Variants in REV1 observed in about 807,000 individuals in gnomAD.
The protein encoded by REV1 is translesion synthesis protein REV1.
REV1 carries 42 observed loss-of-function variants against 137.4 expected under a neutral mutation model. The observed-to-expected ratio is 0.31, with a 90% CI of 0.24 to 0.40. The LOEUF (loss-of-function observed/expected upper bound fraction) is 0.40. Among genes scored for constraint, REV1 ranks in the 10% least tolerant of loss-of-function variants. REV1 has a pLI of 1.00. For synonymous variants in REV1, 524 were observed against 519.2 expected (o/e 1.01, Z -0.12); for missense variants, 1,282 against 1,490.1 (o/e 0.86, Z 2.30).
chr2:99,482,022 C>T (rs950612981), intron 1 of REV1, among the ~76,000 whole-genome samples: 1 of 152,126 alleles, frequency 6.6e-6, no homozygotes, highest in Non-Finnish European at 1.5e-5. Context: ...CCCAGTAGGC[C>T]CCTAGTTTCA....
chr2:99,401,211 A>G lies in REV1; in HGVS notation c.*30T>C. ...CCTCACAAGCACTTATGGCACAGCT[A>G]TCAGAGAGCATCAGGCTCTCTGGTA... is the stretch of plus-strand genomic sequence containing the variant. On this transcript the variant is annotated 3_prime_UTR_variant, in exon 23 of 23. Transcript: ENST00000258428. The G allele has an allele frequency of 7.4e-7, 1 of 1,356,518 alleles. No individual in the cohort carries two copies. The highest frequency in any genetic ancestry group is 1.1e-6 in the Non-Finnish European group (1 of 945,660). The allele number at this position is 1,356,518 out of a possible 1,614,324, so 84.0% of individuals were successfully genotyped here. A position where few individuals can be genotyped will look rare whatever the true frequency, so the allele number is the denominator to read the frequency against.
At chr2:99,473,276 G>A (rs1242155682) in intron 1 of REV1, among the ~76,000 whole-genome samples, 1 of 151,196 alleles carries the variant, frequency 6.6e-6, no homozygotes, top group East Asian at 1.9e-4. Context: ...GCTGAGGCAG[G>A]AGAGTCACTT....
intron 3 of REV1, among the ~76,000 whole-genome samples, chr2:99,454,309 G>T (rs546707869): frequency 6.6e-6 from 1 of 152,032 alleles, no homozygotes; most frequent in Non-Finnish European, 1.5e-5. Flanking sequence ...CAGCACTTTG[G>T]TAGGCCACAG....
chr2:99,453,931 A>G (rs1683228056), intron 3 of REV1, among the ~76,000 whole-genome samples: 1 of 145,156 alleles, frequency 6.9e-6, no homozygotes, highest in Non-Finnish European at 1.5e-5. Context: ...AATAAAACAA[A>G]ACTAGATTCA....
At chr2:99,481,963 T>G (rs1166791520) in intron 1 of REV1, among the ~76,000 whole-genome samples, 1 of 152,190 alleles carries the variant, frequency 6.6e-6, no homozygotes, top group East Asian at 1.9e-4. Flanking sequence ...CATGAATCCA[T>G]AATGGGTCCT....
At chr2:99,452,680 C>G (rs1041051081) in intron 3 of REV1, among the ~76,000 whole-genome samples, 1 of 152,186 alleles carries the variant, frequency 6.6e-6, no homozygotes, top group Non-Finnish European at 1.5e-5. Context: ...TTTCATATCC[C>G]TGACATAAAG....
chr2:99,477,404 C>T (rs1269234240), intron 1 of REV1, among the ~76,000 whole-genome samples: 1 of 152,190 alleles, frequency 6.6e-6, no homozygotes, highest in African/African-American at 2.4e-5. Flanking sequence ...GGGCTAAGCA[C>T]ACAGAGAACT....
chr2:99,407,480 A>T (rs1313135376), intron 15 of REV1, among the ~76,000 whole-genome samples: 1 of 151,308 alleles, frequency 6.6e-6, no homozygotes, highest in Non-Finnish European at 1.5e-5. Flanking sequence ...TGAACCCAGG[A>T]GGCGGAAGTT....
intron 14 of REV1, 117 bp from the exon 15 acceptor site, chr2:99,408,248 AT>A: frequency 3.9e-6 from 2 of 507,968 alleles, no homozygotes; most frequent in Non-Finnish European, 6.7e-6. Flanking sequence ...TACAAAGAAG[AT>A]TATAAAAGTG....
chr2:99,463,736 T>C (rs1684498781), intron 2 of REV1, among the ~76,000 whole-genome samples: 1 of 152,108 alleles, frequency 6.6e-6, no homozygotes. Context: ...GCAATTCTCC[T>C]GCCTCAGTTC....
rs576012046 is a variant in REV1, at chr2:99,469,536, T to C, written c.-10-4551A>G. On this transcript the variant is annotated intron_variant, in intron 1 of 22. Coordinates refer to ENST00000258428, the MANE Select transcript of REV1 (RefSeq NM_016316.4). ...TGCAGTAACAACTAGCCAGGTGAGG[T>C]AAGGTTAAGGCAAATGGGAGAGCAG... Among the ~76,000 whole-genome samples, 3 of 152,068 alleles carry C rather than the reference T, an allele frequency of 2.0e-5. No homozygotes were observed. In the South Asian group the frequency reaches 6.2e-4, roughly 32 times the overall value.
At chr2:99,485,295 TTCTTC>T (rs386648494) in intron 1 of REV1, among the ~76,000 whole-genome samples, 14 of 152,216 alleles carry the variant, frequency 9.2e-5, no homozygotes, top group Admixed American at 2.0e-4. Flanking sequence ...CATCAATTCT[TTCTTC>T]TCTTATTTCT....
At chr2:99,475,265 G>A (rs528928240) in intron 1 of REV1, among the ~76,000 whole-genome samples, 21 of 152,230 alleles carry the variant, frequency 1.4e-4, no homozygotes, top group African/African-American at 3.6e-4. Flanking sequence ...TATTTGTTCC[G>A]ATTGGCTAGC....
Position 99,439,180 on chromosome 2 carries a change from G to C in REV1, c.634C>G (p.Gln212Glu), listed in dbSNP as rs762318027. 28 of 1,614,016 alleles carry C rather than the reference G, an allele frequency of 1.7e-5. No individual in the cohort carries two copies. The African/African-American group carries it at 2.9e-4, about 17-fold the overall frequency. ...CCTCTGGGATGCGGAATTCCATTCT[G>C]TTTCCTTCCCGGAGAGGTCTGCTCC... ...DLEQTSPGRK[Q>E]NGIPHPRGST... Residue 212 changes from glutamine (Q) to glutamate (E), a missense_variant, in exon 6 of 23, where the codon CAG becomes GAG. This residue lies in a region of REV1 where 432 missense variants were observed against 438.0 expected (regional missense o/e 0.99). Coordinates refer to ENST00000258428, the MANE Select transcript of REV1 (RefSeq NM_016316.4).
intron 1 of REV1, among the ~76,000 whole-genome samples, chr2:99,476,628 C>A (rs1450727171): frequency 6.6e-6 from 1 of 152,094 alleles, no homozygotes; most frequent in Non-Finnish European, 1.5e-5. Flanking sequence ...TTGAGCCACT[C>A]CAGATAGTTT....
At chr2:99,483,992 G>A (rs895812176) in intron 1 of REV1, among the ~76,000 whole-genome samples, 1 of 151,940 alleles carries the variant, frequency 6.6e-6, no homozygotes, top group African/African-American at 2.4e-5. Context: ...AATTAAAAAA[G>A]CCTTGCAAGG....
intron 1 of REV1, among the ~76,000 whole-genome samples, chr2:99,477,046 T>C (rs1396720946): frequency 1.3e-5 from 2 of 148,160 alleles, no homozygotes; most frequent in African/African-American, 5.0e-5. Context: ...ATCCCCAAAC[T>C]TGCAGTTGAT....
chr2:99,465,361 G>A (rs1158572194), intron 1 of REV1, among the ~76,000 whole-genome samples: 1 of 152,110 alleles, frequency 6.6e-6, no homozygotes, highest in East Asian at 1.9e-4. Flanking sequence ...TTCCCTTCAT[G>A]AGTTGTCCTA....
rs1687266927 is a variant in REV1 at position 99,487,451 on chromosome 2, A to G, written c.-11+2366T>C. On this transcript the variant is annotated intron_variant, in intron 1 of 22. Coordinates refer to ENST00000258428, the MANE Select transcript of REV1 (RefSeq NM_016316.4). ...TATGGAAACACTCCAACCAAGAGAT[A>G]ATGGAACTTAGACTAGGATTCATGT... Among the ~76,000 whole-genome samples the G allele has an allele frequency of 2.5e-5, 3 of 118,924 alleles. 1 individual carries two copies. The allele number at this position is 118,924 out of a possible 152,430, so 78.0% of individuals were successfully genotyped here. A position where few individuals can be genotyped will look rare whatever the true frequency, so the allele number is the denominator to read the frequency against.
Sources: gnomAD v4.1 joint callset for allele counts (sites outside exome capture counted in the v4.1 genomes callset) on GRCh38, gnomAD v4.1.1 for gene constraint, gnomAD v4.1.1 regional missense constraint, MANE v1.5 for transcripts, NCBI Gene and HGNC (gene_info 2026-07-23, HGNC 2026-07-21) for gene names.